Variants in NDUFS2 observed in about 807,000 individuals in gnomAD.
The protein encoded by NDUFS2 is NADH dehydrogenase [ubiquinone] iron-sulfur protein 2, mitochondrial.
A neutral mutation model predicts 69.6 loss-of-function variants in NDUFS2; 38 were observed. That is an observed-to-expected ratio of 0.55 (90% CI 0.42 to 0.72). The LOEUF is 0.72. NDUFS2 is among the 30% of genes least tolerant of loss of function. The probability of loss-of-function intolerance (pLI) is 0.00; values close to 1 mark genes in which losing one functional copy is unlikely to be tolerated. For missense variants in NDUFS2, 468 were observed against 595.0 expected (o/e 0.79, Z 2.22); for synonymous variants, 194 against 211.2 (o/e 0.92, Z 0.70).
chr1:161,197,907 G>GT (rs1664920483), upstream of NDUFS2: 1 of 1,500,382 alleles, frequency 6.7e-7, no homozygotes, highest in African/African-American at 1.4e-5. Context: ...GGCCAGAAGT[G>GT]TAAGTGGGTG....
At chr1:161,198,139 C>A, upstream of NDUFS2, 1 of 1,614,044 alleles carries the variant, frequency 6.2e-7, no homozygotes. The surrounding 1 kb of genome is among the most constrained non-coding windows in gnomAD (Gnocchi z 4.7). Context: ...CCTCCAGGGG[C>A]TGGAGGTGGA....
chr1:161,198,199 G>A (rs12740751), upstream of NDUFS2: 36,959 of 1,614,122 alleles, frequency 0.023, 489 homozygotes, highest in Non-Finnish European at 0.027. The surrounding 1 kb of genome is among the most constrained non-coding windows in gnomAD (Gnocchi z 4.7). Context: ...CCCCATCCCA[G>A]TGCAGAGATG....
At position 161,202,466 on chromosome 1, in the gene NDUFS2, G is replaced by A; in HGVS notation, c.81G>A (p.Pro27=). The A allele has an allele frequency of 6.2e-7, 1 of 1,611,384 alleles. No homozygotes were observed. Among genetic ancestry groups the A allele is most frequent in the Non-Finnish European group, 8.5e-7 (1 of 1,179,170 alleles). ...GGCCTGGGGCTGGAGTCCGATTGCCGATTCAGCCCAGCAGGTGAGATCGAG... is the reference window on the plus strand; with the variant it reads ...GGCCTGGGGCTGGAGTCCGATTGCCAATTCAGCCCAGCAGGTGAGATCGAG... ...VLRPGAGVRL[P]IQPSRGVRQW... Residue 27 remains proline (P), a synonymous_variant, in exon 1 of 14, where the codon CCG becomes CCA. Transcript: ENST00000676972.
Position 161,214,232 on chromosome 1 carries a change from T to G in NDUFS2, c.*39T>G. ...GTTTGATCCCCCCTGCCTATCAGCT[T>G]CTTCTGTGGAGCCTGTTCCTCACTG... On this transcript the variant is annotated 3_prime_UTR_variant, in exon 14 of 14. Transcript: ENST00000676972. 1 of 1,578,490 alleles carries G rather than the reference T, an allele frequency of 6.3e-7. No homozygotes were observed.
upstream of NDUFS2, chr1:161,202,195 C>T (rs1044517753): frequency 4.7e-6 from 3 of 642,174 alleles, no homozygotes; most frequent in Non-Finnish European, 8.5e-6. Flanking sequence ...TAAAGATGAC[C>T]GCGGTCACTG....
intron 9 of NDUFS2, among the ~76,000 whole-genome samples, chr1:161,212,124 G>A (rs2102053116): frequency 6.6e-6 from 1 of 151,812 alleles, no homozygotes; most frequent in Non-Finnish European, 1.5e-5. Context: ...AGGATCACTT[G>A]AGCCCCAGAG....
At chr1:161,207,252 C>T (rs1339230252) in intron 3 of NDUFS2, among the ~76,000 whole-genome samples, 1 of 152,168 alleles carries the variant, frequency 6.6e-6, no homozygotes, top group Non-Finnish European at 1.5e-5. Flanking sequence ...AGAGCCTCGG[C>T]GATGACAGTT....
chr1:161,200,951 T>G (rs1243244136), upstream of NDUFS2, among the ~76,000 whole-genome samples: 2 of 152,074 alleles, frequency 1.3e-5, no homozygotes, highest in Non-Finnish European at 2.9e-5. Flanking sequence ...CAGTCCCAGC[T>G]CAAGCTGCCT....
chr1:161,209,079 A>G, intron 3 of NDUFS2, 114 bp from the exon 4 acceptor site: 1 of 1,420,064 alleles, frequency 7.0e-7, no homozygotes, highest in East Asian at 2.3e-5. Context: ...TCCTGAGACT[A>G]GAAAGGCTTA....
intron 13 of NDUFS2, 56 bp from the exon 14 acceptor site, chr1:161,214,100 T>C (rs1665920404): frequency 6.2e-7 from 1 of 1,613,910 alleles, no homozygotes; most frequent in African/African-American, 1.3e-5. Context: ...TTGTTTGTTT[T>C]GCCTCACAAC....
At chr1:161,211,621 G>A (rs1371635409) in intron 9 of NDUFS2, among the ~76,000 whole-genome samples, 2 of 152,196 alleles carry the variant, frequency 1.3e-5, no homozygotes, top group Non-Finnish European at 2.9e-5. Flanking sequence ...CTGCATTCCA[G>A]CCTGGGCGAC....
chr1:161,208,451 C>A (rs1665597279), intron 3 of NDUFS2, among the ~76,000 whole-genome samples: 1 of 152,134 alleles, frequency 6.6e-6, no homozygotes, highest in South Asian at 2.1e-4. Flanking sequence ...CAGGCATGCA[C>A]CACCACGCCC....
rs755626092 is a variant in NDUFS2 at position 161,203,518 on chromosome 1, C to G, written c.177C>G (p.Ala59=). The G allele has an allele frequency of 1.2e-6, 2 of 1,613,636 alleles. No homozygotes were observed. The highest frequency in any genetic ancestry group is 8.5e-7 in the Non-Finnish European group (1 of 1,179,934). ...TTATGTACCCAAGCAAAGAAACAGC[C>G]CACTGGAAGCCTCCACCTTGGAATG... The part of the protein sequence containing the change: ...GAVMYPSKET[A]HWKPPPWNDV... Residue 59 remains alanine (A), a synonymous_variant, in exon 2 of 14, where the codon GCC becomes GCG. Coordinates refer to ENST00000676972, the MANE Select transcript of NDUFS2 (RefSeq NM_001377299.1).
rs746484486 is a variant in NDUFS2 at position 161,202,379 on chromosome 1, G to A, written c.-7G>A. ...TTCTCCTTCCCGCAGTCTGCAGCCG[G>A]AGTAAGATGGCGGCGCTGAGGGCTT... On this transcript the variant is annotated 5_prime_UTR_variant, in exon 1 of 14. Transcript: ENST00000676972. 1 of 1,610,038 alleles carries A rather than the reference G, an allele frequency of 6.2e-7. No homozygotes were observed. Among genetic ancestry groups the A allele is most frequent in the Non-Finnish European group, 8.5e-7 (1 of 1,178,626 alleles).
In NDUFS2 at chr1:161,206,694, G is replaced by A. The variant is rs371509902; in HGVS notation, c.393+97G>A. On this transcript the variant is annotated intron_variant, in intron 3 of 13. Coordinates refer to ENST00000676972, the MANE Select transcript of NDUFS2 (RefSeq NM_001377299.1). ...GCCCTTAAAACGTGAGGGGAGGAAG[G>A]TGTTGAGAGGAGTAACCCGTTGAGA... is the stretch of plus-strand genomic sequence containing the variant. 464 of 1,304,478 alleles carry A rather than the reference G, an allele frequency of 3.6e-4. 4 individuals are homozygous for A. The South Asian group carries it at 5.8e-3, about 16-fold the overall frequency. 80.8% of individuals were successfully genotyped at this position (1,304,478 alleles called of 1,614,324 possible). A position where few individuals can be genotyped will look rare whatever the true frequency, so the allele number is the denominator to read the frequency against.
chr1:161,211,574 T>G (rs1179868133), intron 9 of NDUFS2, among the ~76,000 whole-genome samples: 2 of 152,092 alleles, frequency 1.3e-5, no homozygotes, highest in East Asian at 3.9e-4. Flanking sequence ...TGCTTGAATC[T>G]AGGAGGTGAA....
intron 2 of NDUFS2, among the ~76,000 whole-genome samples, chr1:161,204,817 G>A (rs373438629): frequency 6.6e-6 from 1 of 152,174 alleles, no homozygotes; most frequent in East Asian, 1.9e-4. Flanking sequence ...TTGGGAGGCC[G>A]AGGTGGGCGG....
upstream of NDUFS2, chr1:161,202,075 G>C: frequency 2.1e-6 from 1 of 467,756 alleles, no homozygotes; most frequent in East Asian, 4.4e-5. Context: ...AAGATACGCA[G>C]GCGGGCTCGG....
In NDUFS2 at chr1:161,206,612, C is replaced by G; in HGVS notation, c.393+15C>G. ...CCTATCTTCAGGTGTGGGGGGTGAA[C>G]AGGAGCCTTTTGGCGGGATCTGGGG... On this transcript the variant is annotated intron_variant, in intron 3 of 13. Coordinates refer to ENST00000676972, the MANE Select transcript of NDUFS2 (RefSeq NM_001377299.1). The G allele has an allele frequency of 6.2e-7, 1 of 1,612,108 alleles. No individual in the cohort carries two copies. Among genetic ancestry groups the G allele is most frequent in the Non-Finnish European group, 8.5e-7 (1 of 1,179,668 alleles).
Sources: gnomAD v4.1 joint callset for allele counts (sites outside exome capture counted in the v4.1 genomes callset) on GRCh38, gnomAD v4.1.1 for gene constraint, Gnocchi (gnomAD v3.1) non-coding constraint, MANE v1.5 for transcripts, NCBI Gene and HGNC (gene_info 2026-07-23, HGNC 2026-07-21) for gene names.